The following CFAP70 variants were observed in gnomAD, a reference collection of about 807,000 sequenced individuals.
The protein encoded by CFAP70 is cilia and flagella associated protein 70.
CFAP70 carries 81 observed loss-of-function variants against 137.6 expected under a neutral mutation model. The observed-to-expected ratio is 0.59, with a 90% confidence interval of 0.49 to 0.71. The LOEUF (loss-of-function observed/expected upper bound fraction) is 0.71, where lower values mean the gene tolerates loss of function less well. Ranked by LOEUF, CFAP70 falls within the 30% of genes least tolerant of loss-of-function variation. The pLI, the probability that CFAP70 is intolerant of heterozygous loss-of-function variation, is 0.00. For missense variants in CFAP70, 976 were observed against 1,226.7 expected, an observed-to-expected ratio of 0.80 and a Z score of 3.05; for synonymous variants, 382 against 423.6, an observed-to-expected ratio of 0.90 and a Z score of 1.20.
At chr10:73,353,606 T>C in exon 3 of CFAP70, 1 of 1,614,208 alleles carries the variant, frequency 6.2e-7, no homozygotes. Context: ...TCCTTCAGGA[T>C]TAAACTCAAA....
At chr10:73,262,099 A>T (rs1055148043) in intron 25 of CFAP70, among the ~76,000 whole-genome samples, 11 of 148,274 alleles carry the variant, frequency 7.4e-5, no homozygotes, top group Admixed American at 4.7e-4. Flanking sequence ...TATATAATAC[A>T]TATACAGTAG....
At chr10:73,313,047 G>C (rs1385636276) in intron 9 of CFAP70, among the ~76,000 whole-genome samples, 1 of 152,062 alleles carries the variant, frequency 6.6e-6, no homozygotes, top group African/African-American at 2.4e-5. Context: ...AAAATAGTGA[G>C]ACTTCATCTC....
rs181010460 is a variant in CFAP70 at position 73,338,671 on chromosome 10, C to T, written c.582+2728G>A. ...GTCTCGAACTCCTAACCTTGTGATC[C>T]ACCCGCCTTGGCCTCCCAAAGTGCT... On this transcript the variant is annotated intron_variant, in intron 6 of 26. Transcript: ENST00000310715. Among the ~76,000 whole-genome samples, 524 of 145,512 alleles carry T rather than the reference C, an allele frequency of 3.6e-3. 1 individual carries two copies. The highest frequency in any genetic ancestry group is 0.017 in the Middle Eastern group (4 of 238).
At chr10:73,327,336 C>T (rs1475121252) in intron 8 of CFAP70, among the ~76,000 whole-genome samples, 1 of 149,328 alleles carries the variant, frequency 6.7e-6, no homozygotes, top group Admixed American at 6.6e-5. Flanking sequence ...TGGGACGTAT[C>T]TCAAAATAAT....
chr10:73,317,438 T>C (rs143899861), intron 9 of CFAP70, among the ~76,000 whole-genome samples: 1 of 152,342 alleles, frequency 6.6e-6, no homozygotes, highest in Non-Finnish European at 1.5e-5. Context: ...TGGTTAACCA[T>C]ATTGATTCTC....
At chr10:73,274,739 A>T in intron 22 of CFAP70, 145 bp from the exon 24 acceptor site, 1 of 771,504 alleles carries the variant, frequency 1.3e-6, no homozygotes, top group Non-Finnish European at 2.0e-6. Context: ...TTTTTCTAAG[A>T]GCACTCAGAA....
chr10:73,350,281 A>G (rs1012283887), intron 3 of CFAP70, among the ~76,000 whole-genome samples: 12 of 146,562 alleles, frequency 8.2e-5, no homozygotes, highest in African/African-American at 3.1e-4. Context: ...ACTTGGGTTC[A>G]GCTTCAGCAT....
intron 9 of CFAP70, among the ~76,000 whole-genome samples, chr10:73,317,067 C>A (rs2050452517): frequency 6.6e-6 from 1 of 152,202 alleles, no homozygotes; most frequent in East Asian, 1.9e-4. Context: ...ACTCTGTCAT[C>A]TAGGCTGGAG....
rs777367235 is a variant in CFAP70 at position 73,275,636 on chromosome 10, G to A, written c.2521-38C>T. 7 of 1,464,030 alleles carry A rather than the reference G, an allele frequency of 4.8e-6. No individual in the cohort carries two copies. The East Asian group carries it at 1.0e-4, about 22-fold the overall frequency. 90.7% of individuals were successfully genotyped at this position (1,464,030 alleles called of 1,614,324 possible). A position where few individuals can be genotyped will look rare whatever the true frequency, so the allele number is the denominator to read the frequency against. On this transcript the variant is annotated intron_variant, in intron 21 of 26. Coordinates refer to ENST00000310715, the Ensembl canonical transcript of CFAP70. This position sits in a 1 kb window ranked among gnomAD's most constrained non-coding sequence, Gnocchi z 4.0. Reference sequence around the variant, plus strand: ...TCAGATTATAAGCAACATATAAATGGCTGCATTGCGTCTTTTTCGGTTGAA... The same window carrying A: ...TCAGATTATAAGCAACATATAAATGACTGCATTGCGTCTTTTTCGGTTGAA...
chr10:73,342,184 T>C (rs938731121), intron 5 of CFAP70, among the ~76,000 whole-genome samples: 1 of 152,138 alleles, frequency 6.6e-6, no homozygotes, highest in African/African-American at 2.4e-5. Flanking sequence ...AATTAGAACA[T>C]CCAACATTTA....
intron 5 of CFAP70, 37 bp from the exon 7 acceptor site, chr10:73,341,618 A>G (rs370775378): frequency 6.4e-7 from 1 of 1,566,094 alleles, no homozygotes; most frequent in African/African-American, 1.4e-5. Flanking sequence ...GAAAATTTGT[A>G]AAGGACTTTG....
Position 73,275,244 on chromosome 10 carries a change from G to A in CFAP70, c.2673+202C>T. Reference sequence around the variant, plus strand: ...TCTGCCTGCCTCGGCCTCCCAAAGTGCTGCGATTACAGTTGTGAGCCACCG... The same window carrying A: ...TCTGCCTGCCTCGGCCTCCCAAAGTACTGCGATTACAGTTGTGAGCCACCG... On this transcript the variant is annotated intron_variant, in intron 22 of 26. Coordinates refer to ENST00000310715, the Ensembl canonical transcript of CFAP70. This position sits in a 1 kb window ranked among gnomAD's most constrained non-coding sequence, Gnocchi z 4.0. The A allele has an allele frequency of 2.7e-6, 1 of 367,202 alleles. No homozygotes were observed. Among genetic ancestry groups the A allele is most frequent in the Non-Finnish European group, 4.6e-6 (1 of 215,388 alleles). 22.7% of individuals were successfully genotyped at this position (367,202 alleles called of 1,614,324 possible).
At chr10:73,271,460 C>T (rs771932424) in intron 24 of CFAP70, among the ~76,000 whole-genome samples, 15 of 151,786 alleles carry the variant, frequency 9.9e-5, no homozygotes, top group Non-Finnish European at 2.1e-4. Context: ...TGCAGTGAGC[C>T]AAGATGGCGC....
chr10:73,272,290 ACACCACTG>A (rs2046375806), intron 24 of CFAP70, among the ~76,000 whole-genome samples: 1 of 152,092 alleles, frequency 6.6e-6, no homozygotes, highest in South Asian at 2.1e-4. Context: ...AGCTGAGGTG[ACACCACTG>A]CACCACTGCA....
At chr10:73,269,766 C>T (rs1301739102) in intron 24 of CFAP70, 51 bp from the exon 26 acceptor site, 2 of 1,064,178 alleles carry the variant, frequency 1.9e-6, no homozygotes, top group Non-Finnish European at 2.9e-6. Flanking sequence ...ACCACTATGT[C>T]CCAATAATAC....
intron 19 of CFAP70, among the ~76,000 whole-genome samples, chr10:73,285,832 A>C (rs2047659836): frequency 6.6e-6 from 1 of 151,756 alleles, no homozygotes; most frequent in Non-Finnish European, 1.5e-5. Context: ...ATGGGGTTTC[A>C]CCCTGTTGGC....
At chr10:73,301,755 ATTTTAT>A (rs986984320) in intron 12 of CFAP70, among the ~76,000 whole-genome samples, 18 of 152,286 alleles carry the variant, frequency 1.2e-4, no homozygotes, top group African/African-American at 3.9e-4. Context: ...TGTACACTTT[ATTTTAT>A]TTTTATTTTT....
At chr10:73,282,998 A>C (rs1163928046) in intron 19 of CFAP70, among the ~76,000 whole-genome samples, 1 of 151,558 alleles carries the variant, frequency 6.6e-6, no homozygotes, top group Non-Finnish European at 1.5e-5. Flanking sequence ...ACACCCAGCT[A>C]ATTTTTGTAT....
chr10:73,263,997 C>G (rs1175735603), intron 25 of CFAP70, among the ~76,000 whole-genome samples: 2 of 152,106 alleles, frequency 1.3e-5, no homozygotes, highest in African/African-American at 4.8e-5. Flanking sequence ...TATTTGTAAT[C>G]CTTTTCTACA....
Sources: gnomAD v4.1 joint callset for allele counts (sites outside exome capture counted in the v4.1 genomes callset) on GRCh38, gnomAD v4.1.1 for gene constraint, Gnocchi (gnomAD v3.1) non-coding constraint, MANE v1.5 for transcripts, NCBI Gene and HGNC (gene_info 2026-07-23, HGNC 2026-07-21) for gene names.